Variants in UGT1A7 observed in about 807,000 individuals in gnomAD.
The protein encoded by UGT1A7 is UDP glucuronosyltransferase family 1 member A7, also known as UDP-glucuronosyltransferase 1A7.
In UGT1A7, 33 loss-of-function variants were observed where a neutral mutation model predicts 45.6. The ratio of observed to expected loss-of-function variants is 0.72; its 90% CI spans 0.55 to 0.97. The LOEUF (loss-of-function observed/expected upper bound fraction) is 0.97. Ranked by LOEUF, UGT1A7 falls within the 50% of genes least tolerant of loss-of-function variation. The pLI, the probability that UGT1A7 is intolerant of heterozygous loss-of-function variation, is 0.00. For missense variants in UGT1A7, 684 were observed against 666.2 expected, an observed-to-expected ratio of 1.03 and a Z score of -0.29; for synonymous variants, 274 against 250.6, an observed-to-expected ratio of 1.09 and a Z score of -0.88.
intron 4 of UGT1A7, 132 bp from the exon 5 acceptor site, chr2:233,772,130 A>G: frequency 2.6e-6 from 4 of 1,542,514 alleles, no homozygotes; most frequent in Non-Finnish European, 2.6e-6. Context: ...AACAACAACA[A>G]CAATAATAGA....
At chr2:233,729,133 A>C (rs1363274885) in intron 1 of UGT1A7, 1 of 1,613,118 alleles carries the variant, frequency 6.2e-7, no homozygotes, top group Non-Finnish European at 8.5e-7. Flanking sequence ...TGAGATGGCC[A>C]CAGGACTCCA....
intron 1 of UGT1A7, chr2:233,690,776 T>TAC (rs34459843): frequency 0.012 from 13,190 of 1,061,660 alleles, 127 homozygotes; most frequent in African/African-American, 0.074. Context: ...CACACACACA[T>TAC]ACACACACAC....
chr2:233,753,016 T>C (rs1233193330), intron 1 of UGT1A7, among the ~76,000 whole-genome samples: 2 of 152,164 alleles, frequency 1.3e-5, no homozygotes, highest in Admixed American at 1.3e-4. Flanking sequence ...AGAGTGGTGA[T>C]TTACAACACA....
At chr2:233,717,798 C>T (rs528751342) in intron 1 of UGT1A7, 2 of 456,098 alleles carry the variant, frequency 4.4e-6, no homozygotes, top group East Asian at 6.9e-5. Flanking sequence ...TGAAGTAGTG[C>T]CCCCACAAAT....
At chr2:233,747,332 A>T in intron 1 of UGT1A7, 1 of 1,603,532 alleles carries the variant, frequency 6.2e-7, no homozygotes, top group Non-Finnish European at 8.5e-7. Flanking sequence ...GATGGCAGCC[A>T]CTGGCTCGCA....
chr2:233,682,806 C>T lies in UGT1A7; in HGVS notation c.855+14C>T, dbSNP rs2074601597. The T allele has an allele frequency of 6.3e-6, 10 of 1,594,636 alleles. No individual in the cohort carries two copies. Among genetic ancestry groups the T allele is most frequent in the Non-Finnish European group, 8.6e-6 (10 of 1,169,446 alleles). On this transcript the variant is annotated intron_variant, in intron 1 of 4. Transcript: ENST00000373426. ...CCAGTGCCTATGGTAAGTTATCTCC[C>T]CTTTAGCACATTAAGAATAATCTGG...
At chr2:233,693,631 G>A in intron 1 of UGT1A7, 1 of 1,614,078 alleles carries the variant, frequency 6.2e-7, no homozygotes, top group South Asian at 1.1e-5. Context: ...CCCAACGAGT[G>A]GCCAACTTCC....
intron 1 of UGT1A7, chr2:233,743,840 A>C: frequency 7.3e-7 from 1 of 1,367,236 alleles, no homozygotes; most frequent in Non-Finnish European, 9.8e-7. Flanking sequence ...CTTGAGCGCC[A>C]GCTTGCGGTA....
At chr2:233,691,342 C>T (rs951166922) in intron 1 of UGT1A7, 24 of 985,412 alleles carry the variant, frequency 2.4e-5, no homozygotes, top group African/African-American at 3.5e-5. Context: ...GCTGAGTCTT[C>T]GCATGCCTTG....
chr2:233,700,548 G>A (rs535853869), intron 1 of UGT1A7, among the ~76,000 whole-genome samples: 36 of 151,944 alleles, frequency 2.4e-4, no homozygotes, highest in African/African-American at 7.5e-4. Flanking sequence ...TGAGAATAAG[G>A]GGTTATAAAA....
At chr2:233,713,794 C>T (rs772145580) in intron 1 of UGT1A7, 12 of 1,613,912 alleles carry the variant, frequency 7.4e-6, no homozygotes, top group East Asian at 2.2e-5. Flanking sequence ...TACCCCAGGC[C>T]GATCATGCCC....
At chr2:233,695,071 T>G (rs1160759504) in intron 1 of UGT1A7, among the ~76,000 whole-genome samples, 1 of 152,202 alleles carries the variant, frequency 6.6e-6, no homozygotes, top group Non-Finnish European at 1.5e-5. Context: ...TATCGCACTT[T>G]GGACTTACTC....
intron 1 of UGT1A7, among the ~76,000 whole-genome samples, chr2:233,711,944 G>A (rs1242729453): frequency 1.3e-5 from 2 of 152,214 alleles, no homozygotes; most frequent in East Asian, 1.9e-4. Flanking sequence ...AAAGGCACAC[G>A]TTTAATTCTC....
chr2:233,750,414 G>GC (rs765395041), intron 1 of UGT1A7, among the ~76,000 whole-genome samples: 4 of 151,922 alleles, frequency 2.6e-5, no homozygotes, highest in Non-Finnish European at 5.9e-5. Flanking sequence ...CCATGTGGTA[G>GC]AAAAGAAAAA....
At chr2:233,743,335 G>C (rs534297671) in intron 1 of UGT1A7, 1 of 800,282 alleles carries the variant, frequency 1.2e-6, no homozygotes, top group East Asian at 6.3e-5. Flanking sequence ...AACTATTTCA[G>C]TGGAAGTCGA....
At position 233,682,365 on chromosome 2, in the gene UGT1A7, A is replaced by G. The variant is rs2074575471; in HGVS notation, c.428A>G (p.Asp143Gly). 5.6e-6 allele frequency: 9 copies of G among 1,614,054 alleles called. No individual in the cohort carries two copies. The highest frequency in any genetic ancestry group is 2.2e-5 in the South Asian group (2 of 91,082). ...GAATACTTAAAGGAGAGTTGTTTTG[A>G]TGCAGTGTTTCTCGATCCTTTTGAT... ...LVEYLKESCFDAVFLDPFDAC... is the reference protein window; with the variant it reads ...LVEYLKESCFGAVFLDPFDAC... The change falls in exon 1 of 5, where the codon GAT becomes GGT. Residue 143 changes from aspartate to glycine, a missense_variant. Physicochemically the swap from Asp to Gly is moderately conservative, Grantham distance 94 (BLOSUM62 -1). Coordinates refer to ENST00000373426, the MANE Select transcript of UGT1A7 (RefSeq NM_019077.3).
At chr2:233,706,143 A>ACC (rs2075890975) in intron 1 of UGT1A7, among the ~76,000 whole-genome samples, 1 of 152,234 alleles carries the variant, frequency 6.6e-6, no homozygotes, top group African/African-American at 2.4e-5. Context: ...TATTAAACAA[A>ACC]GCATGAGAAC....
chr2:233,746,553 C>T lies in UGT1A7; in HGVS notation c.856-20481C>T, dbSNP rs984942036. On this transcript the variant is annotated intron_variant, in intron 1 of 4. Transcript: ENST00000373426. The stretch of plus-strand genomic sequence containing the variant: ...GCTGCCCTGCTGTGTGACTTCTTAG[C>T]CCCTAGAGCACCACACCCTGTAATT... 4.6e-5 allele frequency among the ~76,000 whole-genome samples: 7 copies of T among 151,780 alleles called. 1 individual carries two copies. The highest frequency in any genetic ancestry group is 1.7e-4 in the African/African-American group (7 of 41,054).
chr2:233,772,618 A>C lies in UGT1A7; in HGVS notation c.*59A>C. 6.4e-7 allele frequency: 1 copy of C among 1,572,114 alleles called. No homozygotes were observed. The highest frequency in any genetic ancestry group is 2.4e-5 in the East Asian group (1 of 42,372). ...CATTCCCTAGTCATTTCCAAACTTG[A>C]AAACAGAATCAGTGTTAAATTCATT... On this transcript the variant is annotated 3_prime_UTR_variant, in exon 5 of 5. Coordinates refer to ENST00000373426, the MANE Select transcript of UGT1A7 (RefSeq NM_019077.3).
Sources: gnomAD v4.1 joint callset for allele counts (sites outside exome capture counted in the v4.1 genomes callset) on GRCh38, gnomAD v4.1.1 for gene constraint, MANE v1.5 for transcripts, NCBI Gene and HGNC (gene_info 2026-07-23, HGNC 2026-07-21) for gene names.